JAML: variants seen among roughly 807,000 people sequenced by gnomAD.
The protein encoded by JAML is junction adhesion molecule like, also known as junctional adhesion molecule-like.
Under a neutral mutation model 39.3 loss-of-function variants are expected in JAML, and 25 were observed. That is an observed-to-expected ratio of 0.64 (90% CI 0.46 to 0.89). The LOEUF (loss-of-function observed/expected upper bound fraction) is 0.89. Among genes scored for constraint, JAML ranks in the 40% least tolerant of loss-of-function variants. The pLI, the probability that JAML is intolerant of heterozygous loss-of-function variation, is 0.00. For synonymous variants in JAML, 162 were observed against 179.2 expected, an observed-to-expected ratio of 0.90 and a Z score of 0.77; for missense variants, 440 against 486.9, an observed-to-expected ratio of 0.90 and a Z score of 0.91.
At chr11:118,219,569 T>C (rs1311494983) in intron 1 of JAML, among the ~76,000 whole-genome samples, 1 of 152,244 alleles carries the variant, frequency 6.6e-6, no homozygotes, top group African/African-American at 2.4e-5. Context: ...CCTGCCTCTT[T>C]GCAGACAGTG....
rs766414433 is a variant in JAML, at chr11:118,196,783, G to T, written c.1044C>A (p.Ile348=). The T allele has an allele frequency of 5.0e-6, 8 of 1,612,780 alleles. No homozygotes were observed. The Admixed American group carries it at 8.3e-5, about 17-fold the overall frequency. The change falls in exon 9 of 10, where the codon ATC becomes ATA. Residue 348 remains isoleucine, a synonymous_variant. Coordinates refer to ENST00000356289, the MANE Select transcript of JAML (RefSeq NM_001098526.2). ...ATTTTTCACTTGGTTCTTCTTCCTC[G>T]ATCACCTCCCGTACAATTATTGGGG... ...IYSPIIVREV[I]EEEEPSEKSE...
At chr11:118,215,924 G>A (rs1261775324) in intron 1 of JAML, among the ~76,000 whole-genome samples, 1 of 152,104 alleles carries the variant, frequency 6.6e-6, no homozygotes, top group African/African-American at 2.4e-5. Flanking sequence ...CCTGGCCTCA[G>A]CCGTGGTCTT....
chr11:118,216,131 G>A (rs1016282256), intron 1 of JAML, among the ~76,000 whole-genome samples: 1 of 152,076 alleles, frequency 6.6e-6, no homozygotes, highest in Admixed American at 6.5e-5. Flanking sequence ...CAGCACTTTG[G>A]GAGACCAAGG....
intron 7 of JAML, among the ~76,000 whole-genome samples, chr11:118,199,022 C>A (rs1948720270): frequency 6.6e-6 from 1 of 152,156 alleles, no homozygotes; most frequent in South Asian, 2.1e-4. Flanking sequence ...AAAATGAGGT[C>A]ATACCATAAA....
chr11:118,224,616 A>G (rs1949242537), intron 1 of JAML, among the ~76,000 whole-genome samples: 1 of 152,252 alleles, frequency 6.6e-6, no homozygotes. Context: ...CTGTGAGCTC[A>G]AGAACAGCCA....
intron 9 of JAML, 73 bp downstream of exon 9, chr11:118,196,662 C>A: frequency 7.2e-7 from 1 of 1,385,376 alleles, no homozygotes; most frequent in Non-Finnish European, 1.0e-6. Flanking sequence ...CCTTGGGCAA[C>A]CCAGCCACGC....
chr11:118,213,204 T>C, intron 2 of JAML: 1 of 1,334,750 alleles, frequency 7.5e-7, no homozygotes, highest in Non-Finnish European at 9.6e-7. Context: ...CCATTATCTC[T>C]ATGTTGCTCA....
chr11:118,203,695 T>C lies in JAML; in HGVS notation c.535-30A>G, dbSNP rs376823330. 5 of 1,571,830 alleles carry C rather than the reference T, an allele frequency of 3.2e-6. No individual in the cohort carries two copies. In the African/African-American group the frequency reaches 4.1e-5, roughly 13 times the overall value. On this transcript the variant is annotated intron_variant, in intron 5 of 9. Coordinates refer to ENST00000356289, the MANE Select transcript of JAML (RefSeq NM_001098526.2). ...AAGTGAAAGACAAAAAGTATGATAT[T>C]GTGAGGACTGGAGTGGAGCGGGGAG...
chr11:118,203,798 C>T, intron 5 of JAML, 133 bp from the exon 6 acceptor site: 3 of 720,204 alleles, frequency 4.2e-6, no homozygotes, highest in East Asian at 5.1e-5. Flanking sequence ...TATCAGAAAG[C>T]ATTAAATAAC....
In JAML at chr11:118,214,729, C is replaced by T. The variant is rs1383538685; in HGVS notation, c.43+95G>A. 3.7e-6 allele frequency: 5 copies of T among 1,346,102 alleles called. No individual in the cohort carries two copies. The African/African-American group carries it at 4.4e-5, about 12-fold the overall frequency. The allele number at this position is 1,346,102 out of a possible 1,614,324, so 83.4% of individuals were successfully genotyped here. A position where few individuals can be genotyped will look rare whatever the true frequency, so the allele number is the denominator to read the frequency against. On this transcript the variant is annotated intron_variant, in intron 2 of 9. Coordinates refer to ENST00000356289, the MANE Select transcript of JAML (RefSeq NM_001098526.2). ...ATTAGGGTTTCCATCTTCAACAAAC[C>T]CAAGGGAATCGAAAATATGTAAAAT...
chr11:118,218,816 T>A (rs1591482071), intron 1 of JAML, among the ~76,000 whole-genome samples: 1 of 151,996 alleles, frequency 6.6e-6, no homozygotes. Context: ...TTAAAAAAAA[T>A]CCAGCAAAAG....
chr11:118,203,322 C>G, intron 6 of JAML, 106 bp downstream of exon 6: 1 of 995,410 alleles, frequency 1.0e-6, no homozygotes, highest in Non-Finnish European at 1.6e-6. Flanking sequence ...GAGAGGGATG[C>G]CTCCTTCAAT....
intron 3 of JAML, 146 bp from the exon 4 acceptor site, chr11:118,210,858 T>C: frequency 1.5e-6 from 1 of 662,968 alleles, no homozygotes; most frequent in Non-Finnish European, 2.6e-6. Flanking sequence ...ATAAAAATAA[T>C]GTGCCAGGCA....
intron 4 of JAML, 77 bp from the exon 5 acceptor site, chr11:118,206,068 G>T: frequency 7.5e-7 from 1 of 1,334,472 alleles, no homozygotes; most frequent in Non-Finnish European, 1.1e-6. Flanking sequence ...AAGAGATCAT[G>T]TTTAGCCAAA....
chr11:118,211,542 C>T (rs2134668280), intron 3 of JAML, among the ~76,000 whole-genome samples: 1 of 152,254 alleles, frequency 6.6e-6, no homozygotes, highest in Admixed American at 6.5e-5. Context: ...GTTACCACAC[C>T]CAGCAGAAAT....
chr11:118,214,990 C>A, intron 1 of JAML, 104 bp from the exon 2 acceptor site: 1 of 978,504 alleles, frequency 1.0e-6, no homozygotes, highest in Non-Finnish European at 1.6e-6. Flanking sequence ...GTTTGAGACA[C>A]TGGTATGCAG....
intron 9 of JAML, among the ~76,000 whole-genome samples, chr11:118,194,745 T>C (rs1948618480): frequency 6.6e-6 from 1 of 152,176 alleles, no homozygotes; most frequent in Admixed American, 6.5e-5. Flanking sequence ...AACAGCAAGG[T>C]GCCACTACAT....
intron 6 of JAML, 107 bp from the exon 7 acceptor site, chr11:118,200,719 G>A: frequency 2.2e-6 from 3 of 1,338,208 alleles, no homozygotes; most frequent in Non-Finnish European, 3.1e-6. Flanking sequence ...AAGCGGAGGG[G>A]AAGGCCAGAC....
chr11:118,208,419 A>T (rs1021161750), intron 4 of JAML, among the ~76,000 whole-genome samples: 6 of 152,234 alleles, frequency 3.9e-5, no homozygotes, highest in Non-Finnish European at 5.9e-5. Flanking sequence ...CAAGCAAGGG[A>T]TGCTAACTCA....
Sources: gnomAD v4.1 joint callset for allele counts (sites outside exome capture counted in the v4.1 genomes callset) on GRCh38, gnomAD v4.1.1 for gene constraint, MANE v1.5 for transcripts, NCBI Gene and HGNC (gene_info 2026-07-23, HGNC 2026-07-21) for gene names.